The following NPC1 variants were observed in gnomAD, a reference collection of about 807,000 sequenced individuals.
NPC1 encodes the protein Niemann-Pick C1 protein.
Under a neutral mutation model 140.4 loss-of-function variants are expected in NPC1, and 85 were observed. The observed-to-expected ratio is 0.61, with a 90% CI of 0.51 to 0.72. The LOEUF is 0.72. NPC1 is among the 30% of genes least tolerant of loss of function. The pLI, the probability that NPC1 is intolerant of heterozygous loss-of-function variation, is 0.00. For missense variants in NPC1, 1,504 were observed against 1,623.8 expected, an observed-to-expected ratio of 0.93 and a Z score of 1.27; for synonymous variants, 656 against 624.8, an observed-to-expected ratio of 1.05 and a Z score of -0.74.
intron 6 of NPC1, among the ~76,000 whole-genome samples, chr18:23,558,294 GC>G (rs1384218752): frequency 6.6e-6 from 1 of 152,142 alleles, no homozygotes; most frequent in Non-Finnish European, 1.5e-5. Context: ...AGTGGAGATA[GC>G]CAGCAGACAT....
chr18:23,558,260 C>T (rs568468698), intron 6 of NPC1, among the ~76,000 whole-genome samples: 2 of 152,106 alleles, frequency 1.3e-5, no homozygotes, highest in South Asian at 2.1e-4. Flanking sequence ...TTATCAATTA[C>T]GAAGGGAAAA....
rs1202213669 is a variant in NPC1, at chr18:23,539,620, T to TTG, written c.2796-151_2796-150insCA. 1.1e-5 allele frequency: 9 copies of TTG among 791,542 alleles called. No homozygotes were observed. In the African/African-American group the frequency reaches 1.6e-4, roughly 14 times the overall value. 49.0% of individuals were successfully genotyped at this position (791,542 alleles called of 1,614,324 possible). A position where few individuals can be genotyped will look rare whatever the true frequency, so the allele number is the denominator to read the frequency against. On this transcript the variant is annotated intron_variant, in intron 18 of 24. Coordinates refer to ENST00000269228, the MANE Select transcript of NPC1 (RefSeq NM_000271.5). The stretch of plus-strand genomic sequence containing the variant: ...ACATGAGCACTTAATGAAAAAAGCC[T>TTG]TCAAAGTATTAGGTGGTAAATTAGT...
intron 6 of NPC1, 107 bp downstream of exon 6, chr18:23,560,124 G>T (rs920543674): frequency 1.1e-5 from 15 of 1,306,532 alleles, no homozygotes; most frequent in Non-Finnish European, 1.4e-5. Flanking sequence ...TATTCATGGA[G>T]GTATTTGTTT....
chr18:23,508,218 C>G (rs2057761613), intron 3 of NPC1, among the ~76,000 whole-genome samples: 1 of 152,142 alleles, frequency 6.6e-6, no homozygotes, highest in Non-Finnish European at 1.5e-5. Flanking sequence ...GAACAGTTTT[C>G]TAAGTTTGAA....
At chr18:23,553,234 T>TC (rs2058900155) in intron 9 of NPC1, among the ~76,000 whole-genome samples, 1 of 152,252 alleles carries the variant, frequency 6.6e-6, no homozygotes, top group South Asian at 2.1e-4. Flanking sequence ...GACTTTTATC[T>TC]TGTGCCACAG....
intron 21 of NPC1, 48 bp downstream of exon 21, chr18:23,536,625 T>G (rs2058634576): frequency 3.3e-6 from 5 of 1,523,820 alleles, no homozygotes; most frequent in Non-Finnish European, 4.5e-6. Flanking sequence ...TCCCACCCAG[T>G]GTAGGCCCTT....
chr18:23,516,030 T>G (rs894591885), intron 3 of NPC1: 1 of 1,613,286 alleles, frequency 6.2e-7, no homozygotes, highest in Non-Finnish European at 8.5e-7. Flanking sequence ...AAAACACCTT[T>G]CCCCAGTTGT....
In NPC1 at chr18:23,532,065, T is replaced by C; in HGVS notation, c.*137A>G. ...TGTGCATTCCTGAGTTCACAGGCGC[T>C]ACGTTCAAAGCTGCTGCCAAACAAC... On this transcript the variant is annotated 3_prime_UTR_variant, in exon 25 of 25. Transcript: ENST00000269228. 6.2e-7 allele frequency: 1 copy of C among 1,603,490 alleles called. No homozygotes were observed. Among genetic ancestry groups the C allele is most frequent in the Non-Finnish European group, 8.5e-7 (1 of 1,175,712 alleles).
chr18:23,565,173 G>C (rs921890174), intron 4 of NPC1, among the ~76,000 whole-genome samples: 9 of 152,214 alleles, frequency 5.9e-5, no homozygotes, highest in African/African-American at 2.2e-4. Context: ...TTCAGAATCA[G>C]CTTGTCAATT....
chr18:23,535,679 T>C lies in NPC1; in HGVS notation c.3267A>G (p.Glu1089=). Residue 1089 remains glutamate (E), a synonymous_variant, in exon 22 of 25, where the codon GAA becomes GAG. Transcript: ENST00000269228. ...FPYSVFYVFY[E]QYLTIIDDTI... ...TGTCGTCAATGATGGTCAGGTACTG[T>C]TCGTAGAAGACATAAAACACACTGG... 1 of 1,613,838 alleles carries C rather than the reference T, an allele frequency of 6.2e-7. No individual in the cohort carries two copies. The highest frequency in any genetic ancestry group is 8.5e-7 in the Non-Finnish European group (1 of 1,179,792).
chr18:23,509,356 AAT>A (rs10688887), intron 3 of NPC1: 9,188 of 412,764 alleles, frequency 0.022, no homozygotes, highest in Non-Finnish European at 0.026. Flanking sequence ...TTCAGTACTG[AAT>A]ATATATATAT....
intron 10 of NPC1, chr18:23,551,421 C>T: frequency 1.7e-6 from 1 of 599,884 alleles, no homozygotes; most frequent in South Asian, 1.9e-5. Flanking sequence ...CATGTGTGAC[C>T]TAAAAATGGC....
intron 4 of NPC1, among the ~76,000 whole-genome samples, chr18:23,562,680 T>C (rs2059060964): frequency 6.6e-6 from 1 of 152,104 alleles, no homozygotes; most frequent in African/African-American, 2.4e-5. Context: ...CTTGTCTCTA[T>C]TTGCTTTTAA....
chr18:23,558,968 C>A (rs961583097), intron 6 of NPC1, among the ~76,000 whole-genome samples: 1 of 151,890 alleles, frequency 6.6e-6, no homozygotes, highest in African/African-American at 2.4e-5. Flanking sequence ...TGAGAACATG[C>A]GGTGTTTGGT....
chr18:23,531,670 G>A lies in NPC1; in HGVS notation c.*532C>T. 1 of 1,613,322 alleles carries A rather than the reference G, an allele frequency of 6.2e-7. No individual in the cohort carries two copies. The highest frequency in any genetic ancestry group is 1.1e-5 in the South Asian group (1 of 90,754). The stretch of plus-strand genomic sequence containing the variant: ...GTTGCTTTTTTCAAACAGATTTTTG[G>A]AGACCAAGCTCTAATGAGGCCTACA... On this transcript the variant is annotated 3_prime_UTR_variant, in exon 25 of 25. Coordinates refer to ENST00000269228, the MANE Select transcript of NPC1 (RefSeq NM_000271.5).
At chr18:23,518,189 A>G (rs2058058439), downstream of NPC1, among the ~76,000 whole-genome samples, 1 of 152,194 alleles carries the variant, frequency 6.6e-6, no homozygotes, top group African/African-American at 2.4e-5. Flanking sequence ...CATTTATTAG[A>G]TGGCACTTAA....
At chr18:23,565,407 A>T (rs1386127185) in intron 4 of NPC1, among the ~76,000 whole-genome samples, 1 of 152,172 alleles carries the variant, frequency 6.6e-6, no homozygotes, top group Non-Finnish European at 1.5e-5. Context: ...GCCAGGCTGG[A>T]GTGCAGTGGC....
In NPC1 at chr18:23,534,490, G is replaced by A. The variant is rs755029556; in HGVS notation, c.3547C>T (p.Arg1183Cys). ...AGTGCCTCTTCCGCGCGCTCCACGC[G>A]GCTGCCTTTCATGCTCACCGTGAAC... ...RAFTVSMKGS[R>C]VERAEEALAH... Residue 1183 changes from arginine (R) to cysteine (C), a missense_variant, in exon 23 of 25, where the codon CGC (arginine) becomes TGC (cysteine). By Grantham distance (180) the Arg-to-Cys change is radical. Transcript: ENST00000269228. 39 of 1,613,912 alleles carry A rather than the reference G, an allele frequency of 2.4e-5. No homozygotes were observed. The highest frequency in any genetic ancestry group is 3.3e-5 in the South Asian group (3 of 91,084).
chr18:23,538,857 A>C, intron 19 of NPC1, 186 bp from the exon 20 acceptor site: 1 of 645,310 alleles, frequency 1.5e-6, no homozygotes, highest in South Asian at 1.8e-5. Flanking sequence ...AGTTTAATGA[A>C]TCTGAAATAC....
Sources: allele counts gnomAD v4.1 joint callset (sites outside exome capture counted in the v4.1 genomes callset), GRCh38; gene constraint gnomAD v4.1.1; transcripts MANE v1.5; gene names NCBI Gene and HGNC (gene_info 2026-07-23, HGNC 2026-07-21).